The following HDAC8 variants were observed in gnomAD, a reference collection of about 807,000 sequenced individuals.
The protein encoded by HDAC8 is histone deacetylase 8.
A neutral mutation model predicts 32.2 loss-of-function variants in HDAC8; 1 was observed. The ratio of observed to expected loss-of-function variants is 0.03; its 90% CI spans 0.01 to 0.15. HDAC8 has a LOEUF of 0.15. HDAC8 is among the 10% of genes least tolerant of loss of function. The pLI is 1.00. For synonymous variants in HDAC8, 108 were observed against 113.9 expected (o/e 0.95, Z 0.33); for missense variants, 117 against 300.0 (o/e 0.39, Z 4.51).
At chrX:72,442,421 T>C (rs1177603616) in intron 9 of HDAC8, among the ~76,000 whole-genome samples, 2 of 111,470 alleles carry the variant, frequency 1.8e-5, no homozygotes, top group East Asian at 5.6e-4. Flanking sequence ...CAGAATTTCA[T>C]ATCCAGCCAA....
At chrX:72,572,213 C>T (rs1345449854) in intron 1 of HDAC8, 104 bp from the exon 2 acceptor site, 1 of 799,543 alleles carries the variant, frequency 1.3e-6, no homozygotes, top group African/African-American at 2.1e-5. Flanking sequence ...AACAAAGGAA[C>T]GGATTAATTT....
chrX:72,337,723 C>T (rs1480589466), intron 10 of HDAC8, among the ~76,000 whole-genome samples: 1 of 111,568 alleles, frequency 9.0e-6, no homozygotes. Flanking sequence ...GGACAGACCA[C>T]ATCACTCCTA....
chrX:72,446,347 A>C (rs1274834262), intron 9 of HDAC8, among the ~76,000 whole-genome samples: 5 of 112,074 alleles, frequency 4.5e-5, no homozygotes, highest in Non-Finnish European at 9.4e-5. Context: ...ATGGAATACT[A>C]TGCAGCCATA....
At chrX:72,530,604 C>T (rs2050305951) in intron 4 of HDAC8, among the ~76,000 whole-genome samples, 1 of 110,760 alleles carries the variant, frequency 9.0e-6, no homozygotes. Flanking sequence ...ATAATCAAGC[C>T]TTGAGAACGC....
At chrX:72,361,719 C>CAAA (rs782483225) in intron 9 of HDAC8, among the ~76,000 whole-genome samples, 1 of 81,924 alleles carries the variant, frequency 1.2e-5, no homozygotes, top group South Asian at 5.6e-4. Flanking sequence ...AGCTGAGTAC[C>CAAA]AAAAAAAAAA....
intron 9 of HDAC8, among the ~76,000 whole-genome samples, chrX:72,436,611 GA>G (rs200167442): frequency 1.9e-5 from 2 of 107,404 alleles, no homozygotes; most frequent in African/African-American, 3.4e-5. Flanking sequence ...AATGATAAAA[GA>G]AAAAAAAGAG....
chrX:72,472,141 C>G (rs1479705892), intron 7 of HDAC8, among the ~76,000 whole-genome samples: 25 of 105,626 alleles, frequency 2.4e-4, no homozygotes, highest in Non-Finnish European at 4.3e-4. Flanking sequence ...GATCTCGGCT[C>G]ACTGCAAGCT....
chrX:72,362,613 A>G (rs1420527323), intron 9 of HDAC8, among the ~76,000 whole-genome samples: 1 of 112,483 alleles, frequency 8.9e-6, no homozygotes, highest in Non-Finnish European at 1.9e-5. Flanking sequence ...GAGTGAATTC[A>G]TGTAAAGAAC....
intron 9 of HDAC8, among the ~76,000 whole-genome samples, chrX:72,393,120 C>T (rs2045656934): frequency 8.9e-6 from 1 of 111,918 alleles, no homozygotes; most frequent in Non-Finnish European, 1.9e-5. Flanking sequence ...GAAACAAAGA[C>T]TAGTCTTGCT....
chrX:72,365,886 A>C (rs1484755586), intron 9 of HDAC8, among the ~76,000 whole-genome samples: 1 of 111,956 alleles, frequency 8.9e-6, no homozygotes, highest in African/African-American at 3.3e-5. Context: ...CTGGAGTTGC[A>C]CTTGCTCAGC....
At chrX:72,506,161 T>C (rs2049384621) in intron 4 of HDAC8, among the ~76,000 whole-genome samples, 1 of 112,088 alleles carries the variant, frequency 8.9e-6, no homozygotes, top group South Asian at 3.7e-4. Context: ...GAATTCTCCT[T>C]GAACAAGCTG....
intron 7 of HDAC8, among the ~76,000 whole-genome samples, chrX:72,487,595 A>G (rs1475712502): frequency 3.6e-5 from 4 of 110,528 alleles, no homozygotes; most frequent in South Asian, 3.9e-4. Flanking sequence ...AGGGTGATCC[A>G]TCTAGGGAGC....
intron 4 of HDAC8, among the ~76,000 whole-genome samples, chrX:72,556,840 G>C (rs1416343262): frequency 8.9e-6 from 1 of 111,984 alleles, no homozygotes; most frequent in African/African-American, 3.3e-5. Flanking sequence ...GCACTAGACA[G>C]GTTATCCAGA....
intron 4 of HDAC8, among the ~76,000 whole-genome samples, chrX:72,538,868 A>T (rs1044019530): frequency 1.8e-5 from 2 of 112,050 alleles, no homozygotes; most frequent in African/African-American, 6.5e-5. Flanking sequence ...GGAAAAATAC[A>T]TTAAAATACA....
chrX:72,438,033 G>A (rs2047004638), intron 9 of HDAC8, among the ~76,000 whole-genome samples: 1 of 112,298 alleles, frequency 8.9e-6, no homozygotes, highest in Non-Finnish European at 1.9e-5. Context: ...CCTGACCCCT[G>A]TGCCTCCTGA....
chrX:72,496,849 A>C (rs1293089602), intron 4 of HDAC8, among the ~76,000 whole-genome samples: 2 of 111,310 alleles, frequency 1.8e-5, no homozygotes, highest in African/African-American at 3.3e-5. Context: ...CAGATAAAGG[A>C]GAATACAGAG....
At chrX:72,508,819 C>A (rs1285449747) in intron 4 of HDAC8, among the ~76,000 whole-genome samples, 1 of 112,386 alleles carries the variant, frequency 8.9e-6, no homozygotes, top group Non-Finnish European at 1.9e-5. Context: ...TTGAACTTCT[C>A]AGCCTCCAAA....
intron 9 of HDAC8, among the ~76,000 whole-genome samples, chrX:72,440,800 A>C (rs1255001105): frequency 8.9e-6 from 1 of 112,219 alleles, no homozygotes; most frequent in Non-Finnish European, 1.9e-5. Context: ...GGTGACAGAC[A>C]GCACCTGGAA....
intron 4 of HDAC8, among the ~76,000 whole-genome samples, chrX:72,521,976 G>C (rs782728923): frequency 2.7e-5 from 3 of 111,553 alleles, no homozygotes; most frequent in African/African-American, 9.8e-5. Context: ...AGAACAAGCA[G>C]AAAAAGAACT....
Sources: allele counts gnomAD v4.1 joint callset (sites outside exome capture counted in the v4.1 genomes callset), GRCh38; gene constraint gnomAD v4.1.1; transcripts MANE v1.5; gene names NCBI Gene and HGNC (gene_info 2026-07-23, HGNC 2026-07-21).